VTI1A: variants seen among roughly 807,000 people sequenced by gnomAD.
The protein encoded by VTI1A is vesicle transport through interaction with t-SNAREs 1A, also known as vesicle transport through interaction with t-SNAREs homolog 1A.
VTI1A carries 22 observed loss-of-function variants against 34.9 expected under a neutral mutation model. The observed-to-expected ratio is 0.63, with a 90% confidence interval of 0.45 to 0.90. VTI1A has a LOEUF of 0.90. Among genes scored for constraint, VTI1A ranks in the 40% least tolerant of loss-of-function variants. The probability of loss-of-function intolerance (pLI) is 0.00; values close to 1 mark genes in which losing one functional copy is unlikely to be tolerated. For missense variants in VTI1A, 268 were observed against 275.6 expected (o/e 0.97, Z 0.20); for synonymous variants, 87 against 97.3 (o/e 0.89, Z 0.62).
intron 7 of VTI1A, among the ~76,000 whole-genome samples, chr10:112,801,914 C>T (rs1420354565): frequency 6.6e-6 from 1 of 152,206 alleles, no homozygotes; most frequent in Admixed American, 6.5e-5. Flanking sequence ...AGTGAAGAAT[C>T]GGTTGACTTT....
Position 112,815,006 on chromosome 10 carries a change from G to A in VTI1A, c.561-284G>A, listed in dbSNP as rs1201681976. 3.3e-5 allele frequency among the ~76,000 whole-genome samples: 5 copies of A among 152,014 alleles called. No homozygotes were observed. In the South Asian group the frequency reaches 8.4e-4, roughly 25 times the overall value. ...GAGGCTACATGATTTTCTGAGCCTCGAAAGCCATTTGATTCGCCTTAGCTT... is the reference window on the plus strand; with the variant it reads ...GAGGCTACATGATTTTCTGAGCCTCAAAAGCCATTTGATTCGCCTTAGCTT... On this transcript the variant is annotated intron_variant, in intron 7 of 7. Transcript: ENST00000393077.
chr10:112,804,019 C>T (rs1272609648), intron 7 of VTI1A, among the ~76,000 whole-genome samples: 2 of 152,224 alleles, frequency 1.3e-5, no homozygotes, highest in Non-Finnish European at 2.9e-5. Flanking sequence ...ATGGCAGTGG[C>T]CGTGGTGCCC....
At chr10:112,584,956 A>G (rs1301847207) in intron 5 of VTI1A, among the ~76,000 whole-genome samples, 1 of 152,216 alleles carries the variant, frequency 6.6e-6, no homozygotes, top group African/African-American at 2.4e-5. Context: ...AGGCTTTTGA[A>G]AACAGAATTG....
chr10:112,800,027 G>A (rs540686856), intron 7 of VTI1A, among the ~76,000 whole-genome samples: 1 of 152,314 alleles, frequency 6.6e-6, no homozygotes, highest in Admixed American at 6.5e-5. Flanking sequence ...AGTTGGCAGA[G>A]ATGCAGGTGG....
chr10:112,457,950 T>A (rs1282324646), intron 1 of VTI1A, among the ~76,000 whole-genome samples: 1 of 152,102 alleles, frequency 6.6e-6, no homozygotes, highest in Admixed American at 6.5e-5. Flanking sequence ...TCTATTAGTT[T>A]GGGCAAAGGA....
chr10:112,600,432 CA>C (rs1374197684), intron 5 of VTI1A, among the ~76,000 whole-genome samples: 1 of 152,108 alleles, frequency 6.6e-6, no homozygotes, highest in Non-Finnish European at 1.5e-5. Flanking sequence ...TAATTTCTAC[CA>C]CTCTTCTTTA....
At chr10:112,535,037 CAAATTAGAAGTCTTAATTCCAA>C (rs1200044631) in intron 4 of VTI1A, among the ~76,000 whole-genome samples, 1 of 152,136 alleles carries the variant, frequency 6.6e-6, no homozygotes, top group East Asian at 1.9e-4. Flanking sequence ...CTAATTGTGT[CAAATTAGAAGTCTTAATTCCAA>C]AAACTTAAAG....
intron 3 of VTI1A, among the ~76,000 whole-genome samples, chr10:112,494,225 CAAT>C (rs1480023527): frequency 3.3e-5 from 5 of 152,046 alleles, no homozygotes; most frequent in African/African-American, 1.2e-4. Context: ...GATTTATTGA[CAAT>C]AAATTCTTCA....
At chr10:112,704,399 G>A (rs1369437640) in intron 7 of VTI1A, among the ~76,000 whole-genome samples, 1 of 151,872 alleles carries the variant, frequency 6.6e-6, no homozygotes, top group African/African-American at 2.4e-5. Flanking sequence ...GACCCCACAG[G>A]GACAATATGT....
chr10:112,543,200 G>A (rs1431929235), intron 5 of VTI1A, among the ~76,000 whole-genome samples: 1 of 152,158 alleles, frequency 6.6e-6, no homozygotes, highest in African/African-American at 2.4e-5. Context: ...CCCAGTAATG[G>A]GATCGCTGAG....
intron 3 of VTI1A, among the ~76,000 whole-genome samples, chr10:112,500,728 T>C (rs998740120): frequency 6.6e-6 from 1 of 152,160 alleles, no homozygotes; most frequent in East Asian, 1.9e-4. Context: ...TTTTAAGGCC[T>C]CCTATGATGG....
At chr10:112,743,136 C>G (rs1401070342) in intron 7 of VTI1A, among the ~76,000 whole-genome samples, 1 of 151,034 alleles carries the variant, frequency 6.6e-6, no homozygotes, top group African/African-American at 2.4e-5. Context: ...TTACGCTTTC[C>G]AGGTCTAGAA....
intron 7 of VTI1A, among the ~76,000 whole-genome samples, chr10:112,754,099 C>A (rs1007345408): frequency 6.6e-6 from 1 of 152,138 alleles, no homozygotes; most frequent in Non-Finnish European, 1.5e-5. Flanking sequence ...TCTGCAAAAA[C>A]AAGAAAACTT....
intron 7 of VTI1A, among the ~76,000 whole-genome samples, chr10:112,686,291 T>C (rs1848409140): frequency 6.6e-6 from 1 of 152,138 alleles, no homozygotes; most frequent in African/African-American, 2.4e-5. Context: ...GCTCTGGCAG[T>C]TTGTGATGTA....
At position 112,619,575 on chromosome 10, in the gene VTI1A, G is replaced by A. The variant is rs28537891; in HGVS notation, c.428-48643G>A. Among the ~76,000 whole-genome samples the A allele has an allele frequency of 4.6e-3, 703 of 152,308 alleles. 2 individuals are homozygous for A. The highest frequency in any genetic ancestry group is 0.01 in the Middle Eastern group (3 of 294). On this transcript the variant is annotated intron_variant, in intron 5 of 7. Coordinates refer to ENST00000393077, the MANE Select transcript of VTI1A (RefSeq NM_145206.4). ...CTTTAATGTTGTTTCTGCAAAATAT[G>A]TAGACTATGTTTATTTCTTATTTCC... is the stretch of plus-strand genomic sequence containing the variant.
chr10:112,453,399 A>G (rs1465423135), intron 1 of VTI1A, among the ~76,000 whole-genome samples: 1 of 152,196 alleles, frequency 6.6e-6, no homozygotes, highest in Admixed American at 6.5e-5. Flanking sequence ...TAAGGAGTGG[A>G]GAGTTACACT....
At chr10:112,646,803 G>A (rs937872934) in intron 5 of VTI1A, among the ~76,000 whole-genome samples, 4 of 152,058 alleles carry the variant, frequency 2.6e-5, no homozygotes, top group South Asian at 4.1e-4. Context: ...GAGCCACCGC[G>A]CCCGGCTACC....
chr10:112,854,463 C>T, the VTI1A span, among the ~76,000 whole-genome samples: 26 of 152,296 alleles, frequency 1.7e-4, no homozygotes, highest in East Asian at 4.4e-3. Context: ...TCTAATGCTT[C>T]GGAGGGGAGG....
intron 5 of VTI1A, among the ~76,000 whole-genome samples, chr10:112,617,612 A>G (rs908415400): frequency 1.2e-4 from 19 of 152,164 alleles, no homozygotes; most frequent in Admixed American, 7.9e-4. Context: ...GTGAGTGATC[A>G]GAGTTCAAGT....
Sources: gnomAD v4.1 joint callset for allele counts (sites outside exome capture counted in the v4.1 genomes callset) on GRCh38, gnomAD v4.1.1 for gene constraint, MANE v1.5 for transcripts, NCBI Gene and HGNC (gene_info 2026-07-23, HGNC 2026-07-21) for gene names.